Variants in LATS1 observed in about 807,000 individuals in gnomAD.
LATS1 encodes serine/threonine-protein kinase LATS1.
Under a neutral mutation model 106.6 loss-of-function variants are expected in LATS1, and 25 were observed. The ratio of observed to expected loss-of-function variants is 0.23; its 90% CI spans 0.17 to 0.33. The LOEUF is 0.33. Among genes scored for constraint, LATS1 ranks in the 10% least tolerant of loss-of-function variants. The pLI is 1.00. For synonymous variants in LATS1, 465 were observed against 455.6 expected, an observed-to-expected ratio of 1.02 and a Z score of -0.26; for missense variants, 1,040 against 1,382.6, an observed-to-expected ratio of 0.75 and a Z score of 3.93.
intron 1 of LATS1, among the ~76,000 whole-genome samples, chr6:149,713,059 T>G (rs1252956292): frequency 1.3e-5 from 2 of 152,102 alleles, no homozygotes; most frequent in Non-Finnish European, 2.9e-5. Flanking sequence ...CCCCAACTTC[T>G]ATGAGCAATA....
intron 1 of LATS1, among the ~76,000 whole-genome samples, chr6:149,717,429 T>C (rs149827103): frequency 1.3e-5 from 2 of 152,356 alleles, no homozygotes; most frequent in African/African-American, 2.4e-5. Flanking sequence ...TTCTCTAAGG[T>C]ATACCCAGGA....
At chr6:149,710,657 T>C (rs570832515) in intron 1 of LATS1, among the ~76,000 whole-genome samples, 2 of 152,322 alleles carry the variant, frequency 1.3e-5, no homozygotes, top group East Asian at 1.9e-4. Context: ...TACCGGAGGC[T>C]GGAAAGATGG....
rs1369187517 is a variant in LATS1, at chr6:149,702,259, A to G, written c.-133T>C. The stretch of plus-strand genomic sequence containing the variant: ...TGTTAAAATTCTTTACAATATAAAT[A>G]ATTAACTCTGTAAAAGAAAGAAAGA... On this transcript the variant is annotated 5_prime_UTR_variant, in exon 2 of 8. Coordinates refer to ENST00000543571, the MANE Select transcript of LATS1 (RefSeq NM_004690.4). 1.4e-5 allele frequency: 8 copies of G among 582,234 alleles called. No homozygotes were observed. The highest frequency in any genetic ancestry group is 2.1e-5 in the Non-Finnish European group (7 of 335,166). The allele number at this position is 582,234 out of a possible 1,614,324, so 36.1% of individuals were successfully genotyped here.
At chr6:149,672,483 A>T (rs1781494873) in intron 7 of LATS1, among the ~76,000 whole-genome samples, 1 of 151,234 alleles carries the variant, frequency 6.6e-6, no homozygotes, top group Non-Finnish European at 1.5e-5. Flanking sequence ...TGCTGGGATT[A>T]CAGGTGTGAG....
chr6:149,709,767 C>T (rs1347702328), intron 1 of LATS1, among the ~76,000 whole-genome samples: 2 of 150,954 alleles, frequency 1.3e-5, no homozygotes, highest in African/African-American at 2.4e-5. Context: ...TCTCCGCCTC[C>T]CGGTTTCAAG....
chr6:149,660,797 A>G lies in LATS1; in HGVS notation c.*932T>C, dbSNP rs1780854779. 4.5e-6 allele frequency: 1 copy of G among 221,826 alleles called. No homozygotes were observed. Among genetic ancestry groups the G allele is most frequent in the Non-Finnish European group, 9.0e-6 (1 of 110,746 alleles). 13.7% of individuals were successfully genotyped at this position (221,826 alleles called of 1,614,324 possible). On this transcript the variant is annotated 3_prime_UTR_variant, in exon 8 of 8. Coordinates refer to ENST00000543571, the MANE Select transcript of LATS1 (RefSeq NM_004690.4). ...CAGATAGCCAGATTTTCCTTTGCCA[A>G]TAACAATCTGTATATGCAGCACTGT...
chr6:149,705,954 C>T (rs1411173669), intron 1 of LATS1, among the ~76,000 whole-genome samples: 3 of 151,602 alleles, frequency 2.0e-5, no homozygotes, highest in Non-Finnish European at 2.9e-5. Flanking sequence ...GAGGCCAAGG[C>T]GGGTGGATCA....
chr6:149,676,279 G>A lies in LATS1; in HGVS notation c.2864C>T (p.Pro955Leu). 6.2e-7 allele frequency: 1 copy of A among 1,609,692 alleles called. No homozygotes were observed. Among genetic ancestry groups the A allele is most frequent in the Non-Finnish European group, 8.5e-7 (1 of 1,176,072 alleles). Reference protein sequence around the residue: ...VGQPPFLAQTPLETQMKVINW... With the variant: ...VGQPPFLAQTLLETQMKVINW... ...CCTTACCTTCATTTGTGTTTCTAAT[G>A]GTGTTTGTGCCAAGAAAGGAGGTTG... Residue 955 changes from proline (P) to leucine (L), a missense_variant, in exon 7 of 8, where the codon CCA (proline) becomes CTA (leucine). By Grantham distance (98) the Pro-to-Leu change is moderately conservative. Coordinates refer to ENST00000543571, the MANE Select transcript of LATS1 (RefSeq NM_004690.4).
intron 7 of LATS1, among the ~76,000 whole-genome samples, chr6:149,672,590 C>T (rs1183631348): frequency 6.6e-6 from 1 of 151,950 alleles, no homozygotes; most frequent in East Asian, 1.9e-4. Flanking sequence ...GTCAGAGGAG[C>T]TATTGTGAAT....
intron 7 of LATS1, among the ~76,000 whole-genome samples, chr6:149,663,949 A>T (rs1021319231): frequency 6.6e-6 from 1 of 152,046 alleles, no homozygotes; most frequent in South Asian, 2.1e-4. Flanking sequence ...CTGGGATTAC[A>T]GGTGCCCGCC....
intron 1 of LATS1, among the ~76,000 whole-genome samples, chr6:149,714,837 G>A (rs745846777): frequency 3.3e-5 from 5 of 152,096 alleles, no homozygotes; most frequent in Non-Finnish European, 7.4e-5. Context: ...AAACTTTATT[G>A]TGACAGACGA....
At chr6:149,694,836 C>G (rs1040019376) in intron 3 of LATS1, among the ~76,000 whole-genome samples, 4 of 152,078 alleles carry the variant, frequency 2.6e-5, no homozygotes, top group African/African-American at 9.7e-5. Flanking sequence ...TGCAGTATTA[C>G]CAATCAAATA....
intron 1 of LATS1, among the ~76,000 whole-genome samples, chr6:149,702,890 G>A (rs1439453640): frequency 6.6e-6 from 1 of 151,362 alleles, no homozygotes; most frequent in East Asian, 1.9e-4. Flanking sequence ...GGCCAGGCTG[G>A]TCTTGAACTC....
At chr6:149,713,285 A>G (rs1053060498) in intron 1 of LATS1, among the ~76,000 whole-genome samples, 9 of 151,968 alleles carry the variant, frequency 5.9e-5, no homozygotes, top group African/African-American at 2.2e-4. Flanking sequence ...CTGTTACCTC[A>G]ATTGTATTAT....
chr6:149,661,661 C>A lies in LATS1; in HGVS notation c.*68G>T. On this transcript the variant is annotated 3_prime_UTR_variant, in exon 8 of 8. Coordinates refer to ENST00000543571, the MANE Select transcript of LATS1 (RefSeq NM_004690.4). ...TGTCATATTTGCATAATTTTACTCTCAGAACCTCAAAACACCTCGCATTTC... is the reference window on the plus strand; with the variant it reads ...TGTCATATTTGCATAATTTTACTCTAAGAACCTCAAAACACCTCGCATTTC... 1 of 1,379,496 alleles carries A rather than the reference C, an allele frequency of 7.2e-7. No homozygotes were observed. The highest frequency in any genetic ancestry group is 1.4e-5 in the South Asian group (1 of 69,036). 85.5% of individuals were successfully genotyped at this position (1,379,496 alleles called of 1,614,324 possible).
At position 149,687,104 on chromosome 6, in the gene LATS1, T is replaced by TA. The variant is rs1012418452; in HGVS notation, c.497-2513_497-2512insT. 2.6e-5 allele frequency among the ~76,000 whole-genome samples: 4 copies of TA among 152,054 alleles called. No individual in the cohort carries two copies. In the East Asian group the frequency reaches 5.8e-4, roughly 22 times the overall value. On this transcript the variant is annotated intron_variant, in intron 3 of 7. Transcript: ENST00000543571. Reference sequence around the variant, plus strand: ...GATCTCCAAGATTTTTATTTTTTTTTTTTTGAGACAGAGACTTGCTCTGTC... The same window carrying TA: ...GATCTCCAAGATTTTTATTTTTTTTTATTTTGAGACAGAGACTTGCTCTGTC...
intron 3 of LATS1, among the ~76,000 whole-genome samples, chr6:149,689,284 G>A (rs181484861): frequency 2.8e-4 from 43 of 152,150 alleles, no homozygotes; most frequent in African/African-American, 8.9e-4. Context: ...GTATTGGATG[G>A]GATCTAAGAG....
intron 5 of LATS1, among the ~76,000 whole-genome samples, chr6:149,678,799 CTGACCT>C (rs2114783614): frequency 6.6e-6 from 1 of 152,246 alleles, no homozygotes; most frequent in South Asian, 2.1e-4. Context: ...TGATTTCTGT[CTGACCT>C]TGGGCAAGTT....
At chr6:149,699,184 C>G (rs1016967752) in intron 2 of LATS1, among the ~76,000 whole-genome samples, 1 of 152,068 alleles carries the variant, frequency 6.6e-6, no homozygotes, top group Admixed American at 6.6e-5. Context: ...AAGTTAGGAT[C>G]TTGAACAAGA....
Sources: gnomAD v4.1 joint callset for allele counts (sites outside exome capture counted in the v4.1 genomes callset) on GRCh38, gnomAD v4.1.1 for gene constraint, MANE v1.5 for transcripts, NCBI Gene and HGNC (gene_info 2026-07-23, HGNC 2026-07-21) for gene names.